The following ADAMTSL1 variants were observed in gnomAD, a reference collection of about 807,000 sequenced individuals.
ADAMTSL1 encodes ADAMTS-like protein 1.
In ADAMTSL1, 126 loss-of-function variants were observed where a neutral mutation model predicts 201.8. The observed-to-expected ratio is 0.62, with a 90% CI of 0.54 to 0.72. ADAMTSL1 has a LOEUF of 0.72. ADAMTSL1 is among the 30% of genes least tolerant of loss of function. The probability of loss-of-function intolerance (pLI) is 0.00; values close to 1 mark genes in which losing one functional copy is unlikely to be tolerated. For missense variants in ADAMTSL1, 2,679 were observed against 2,277.8 expected (o/e 1.18, Z -3.59); for synonymous variants, 1,121 against 903.4 (o/e 1.24, Z -4.32).
chr9:18,678,795 C>T (rs537095968), intron 10 of ADAMTSL1, among the ~76,000 whole-genome samples: 1 of 152,164 alleles, frequency 6.6e-6, no homozygotes, highest in Admixed American at 6.5e-5. Flanking sequence ...TGAATCAGGC[C>T]TGATATTCAT....
chr9:18,883,271 C>T (rs1391572528), intron 23 of ADAMTSL1, among the ~76,000 whole-genome samples: 2 of 152,190 alleles, frequency 1.3e-5, no homozygotes, highest in Admixed American at 6.5e-5. Flanking sequence ...CTTGACTGTT[C>T]TCCACATTTC....
intron 2 of ADAMTSL1, among the ~76,000 whole-genome samples, chr9:18,184,805 A>C (rs1828660711): frequency 6.6e-6 from 1 of 152,254 alleles, no homozygotes; most frequent in Admixed American, 6.5e-5. Context: ...ATATCTAAAA[A>C]TCACGTATTA....
At chr9:18,347,209 T>C (rs1835767632) in intron 2 of ADAMTSL1, among the ~76,000 whole-genome samples, 1 of 152,170 alleles carries the variant, frequency 6.6e-6, no homozygotes, top group Non-Finnish European at 1.5e-5. Context: ...TCCAATAATT[T>C]ACAGATTGAA....
At chr9:18,463,981 A>C (rs1414315945) in intron 2 of ADAMTSL1, among the ~76,000 whole-genome samples, 1 of 152,186 alleles carries the variant, frequency 6.6e-6, no homozygotes, top group Non-Finnish European at 1.5e-5. Context: ...TTAGACTCCT[A>C]TTATGTGCCA....
At chr9:18,765,459 GA>G (rs899424940) in intron 16 of ADAMTSL1, among the ~76,000 whole-genome samples, 8 of 151,238 alleles carry the variant, frequency 5.3e-5, no homozygotes, top group Admixed American at 1.3e-4. Flanking sequence ...TTCTCTCAGA[GA>G]AAAAAAATAC....
At chr9:18,118,591 T>C (rs1410963022) in intron 1 of ADAMTSL1, among the ~76,000 whole-genome samples, 1 of 152,128 alleles carries the variant, frequency 6.6e-6, no homozygotes, top group Non-Finnish European at 1.5e-5. Flanking sequence ...GAGAAGACTT[T>C]GGAACTCAGA....
At chr9:18,524,827 G>A (rs1316626919) in intron 2 of ADAMTSL1, among the ~76,000 whole-genome samples, 2 of 152,188 alleles carry the variant, frequency 1.3e-5, no homozygotes, top group Non-Finnish European at 1.5e-5. Flanking sequence ...TTGATGTGCT[G>A]CTGGATTCGG....
chr9:18,523,058 T>C (rs1174822241), intron 2 of ADAMTSL1, among the ~76,000 whole-genome samples: 5 of 152,220 alleles, frequency 3.3e-5, no homozygotes, highest in South Asian at 2.1e-4. Context: ...CTCCCACCAA[T>C]AGTGTAAAAG....
At chr9:17,970,793 T>C (rs1818176603) in intron 1 of ADAMTSL1, among the ~76,000 whole-genome samples, 1 of 152,036 alleles carries the variant, frequency 6.6e-6, no homozygotes, top group Non-Finnish European at 1.5e-5. Flanking sequence ...TTACTTGGTC[T>C]CTTCCTCTGG....
chr9:18,110,929 G>A (rs1336841617), intron 1 of ADAMTSL1, among the ~76,000 whole-genome samples: 1 of 152,024 alleles, frequency 6.6e-6, no homozygotes, highest in African/African-American at 2.4e-5. Flanking sequence ...CAACTTTGTT[G>A]AACAAACTTA....
At chr9:18,197,479 T>C (rs1829231113) in intron 2 of ADAMTSL1, among the ~76,000 whole-genome samples, 1 of 39,028 alleles carries the variant, frequency 2.6e-5, no homozygotes, top group Non-Finnish European at 5.7e-5. Flanking sequence ...GGCTCTCTGT[T>C]TGTGTGTTGT....
At chr9:18,260,114 C>A (rs900928380) in intron 2 of ADAMTSL1, among the ~76,000 whole-genome samples, 13 of 152,186 alleles carry the variant, frequency 8.5e-5, no homozygotes, top group African/African-American at 2.9e-4. Context: ...ATTGTTTATC[C>A]TTGGGAAAGC....
chr9:18,338,765 TC>T (rs1473762976), intron 2 of ADAMTSL1, among the ~76,000 whole-genome samples: 1 of 152,152 alleles, frequency 6.6e-6, no homozygotes, highest in African/African-American at 2.4e-5. Flanking sequence ...TTGAATACCC[TC>T]CCTCCTCCCA....
rs141762096 is a variant in ADAMTSL1, at chr9:18,248,020, C to T, written c.207+84039C>T. Among the ~76,000 whole-genome samples, 245 of 152,200 alleles carry T rather than the reference C, an allele frequency of 1.6e-3. 1 individual carries two copies. Among genetic ancestry groups the T allele is most frequent in the African/African-American group, 5.8e-3 (241 of 41,504 alleles). On this transcript the variant is annotated intron_variant, in intron 2 of 29. Transcript: ENST00000680146. ...GACATTCCAAAGTTGCTTTCCTTATCTGTGGTTCATTCAAAAGGTTTCTCA... is the reference window on the plus strand; with the variant it reads ...GACATTCCAAAGTTGCTTTCCTTATTTGTGGTTCATTCAAAAGGTTTCTCA...
At chr9:18,176,281 C>T (rs1828152720) in intron 2 of ADAMTSL1, among the ~76,000 whole-genome samples, 1 of 151,982 alleles carries the variant, frequency 6.6e-6, no homozygotes, top group South Asian at 2.1e-4. Context: ...GCCCATGGAA[C>T]AGAATCTTAA....
chr9:18,424,537 A>G (rs1229087365), intron 2 of ADAMTSL1, among the ~76,000 whole-genome samples: 1 of 152,250 alleles, frequency 6.6e-6, no homozygotes, highest in East Asian at 1.9e-4. Context: ...TAGCCTGCAC[A>G]GAATGATCTC....
chr9:18,488,410 C>T (rs1326968057), intron 1 of ADAMTSL1, among the ~76,000 whole-genome samples: 3 of 152,202 alleles, frequency 2.0e-5, no homozygotes, highest in African/African-American at 4.8e-5. Flanking sequence ...GCTCCGGCCC[C>T]TCCTACTTCA....
rs536862099 is a variant in ADAMTSL1 at position 18,183,802 on chromosome 9, G to A, written c.207+19821G>A. 9.9e-4 allele frequency among the ~76,000 whole-genome samples: 151 copies of A among 152,308 alleles called. No individual in the cohort carries two copies. In the Middle Eastern group the frequency reaches 0.024, roughly 24 times the overall value. On this transcript the variant is annotated intron_variant, in intron 2 of 29. Coordinates refer to the ADAMTSL1 transcript ENST00000680146. ...ATTTACAGGTTGGATGACATTGGAC[G>A]TAACTTTACTATTCTAATTACAGCT...
At position 18,275,826 on chromosome 9, in the gene ADAMTSL1, T is replaced by A. The variant is rs140439591; in HGVS notation, c.207+111845T>A. 5.5e-4 allele frequency among the ~76,000 whole-genome samples: 84 copies of A among 152,272 alleles called. No individual in the cohort carries two copies. In the Middle Eastern group the frequency reaches 0.017, roughly 31 times the overall value. The stretch of plus-strand genomic sequence containing the variant: ...TAATAAAACTGTTATTACATACTTG[T>A]GTGCAGGTCTTTATGTAGGCGTGTT... On this transcript the variant is annotated intron_variant, in intron 2 of 29. Coordinates refer to the ADAMTSL1 transcript ENST00000680146.
Sources: gnomAD v4.1 joint callset for allele counts (sites outside exome capture counted in the v4.1 genomes callset) on GRCh38, gnomAD v4.1.1 for gene constraint, MANE v1.5 for transcripts, NCBI Gene and HGNC (gene_info 2026-07-23, HGNC 2026-07-21) for gene names.